Variants in TMEM271 observed in about 807,000 individuals in gnomAD.
TMEM271 encodes transmembrane protein 271.
rs1732424420 is a variant in TMEM271, at chr4:575,808, G to A, written c.255C>T (p.Gly85=). 5.5e-6 allele frequency: 2 copies of A among 364,056 alleles called. No homozygotes were observed. Among genetic ancestry groups the A allele is most frequent in the Non-Finnish European group, 9.8e-6 (2 of 204,164 alleles). The allele number at this position is 364,056 out of a possible 1,614,324, so 22.6% of individuals were successfully genotyped here. A position where few individuals can be genotyped will look rare whatever the true frequency, so the allele number is the denominator to read the frequency against. ...GCGCCGCGGGGACCCCCAAACCCGG[G>A]CCCGGTTCCGACCCCGCGAGGGGCG... ...RDAPLAGSEP[G]PGLGVPAAPA... Residue 85 remains glycine, a synonymous_variant, in exon 1 of 1, where the codon GGC becomes GGT. Coordinates refer to ENST00000610212, the MANE Select transcript of TMEM271 (RefSeq NM_001362796.2).
Position 575,438 on chromosome 4 carries a change from G to T in TMEM271, c.625C>A (p.Arg209Ser). 1 of 275,636 alleles carries T rather than the reference G, an allele frequency of 3.6e-6. No individual in the cohort carries two copies. Among genetic ancestry groups the T allele is most frequent in the Non-Finnish European group, 6.8e-6 (1 of 147,080 alleles). The allele number at this position is 275,636 out of a possible 1,614,324, so 17.1% of individuals were successfully genotyped here. ...TLDSATSAKC[R>S]QLKDYQRGLV... ...CCGCGCTGGTAGTCCTTCAGCTGGC[G>T]GCACTTGGCGGACGTGGCGCTGTCC... The change falls in exon 1 of 1, where the codon CGC becomes AGC. Residue 209 changes from arginine (R) to serine (S), a missense_variant. Arg to Ser is a moderately radical substitution (Grantham distance 110). Coordinates refer to ENST00000610212, the MANE Select transcript of TMEM271 (RefSeq NM_001362796.2).
chr4:574,837 G>T lies in TMEM271; in HGVS notation c.*68C>A. The T allele has an allele frequency of 2.5e-6, 1 of 394,412 alleles. No homozygotes were observed. The highest frequency in any genetic ancestry group is 3.6e-5 in the East Asian group (1 of 27,806). 24.4% of individuals were successfully genotyped at this position (394,412 alleles called of 1,614,324 possible). A position where few individuals can be genotyped will look rare whatever the true frequency, so the allele number is the denominator to read the frequency against. On this transcript the variant is annotated 3_prime_UTR_variant, in exon 1 of 1. Coordinates refer to ENST00000610212, the MANE Select transcript of TMEM271 (RefSeq NM_001362796.2). ...GCTGCCCGTCCTCCCTTGCCGCGGG[G>T]GTCCTGAGCGGGGCGGGGTGGGTGG...
chr4:576,112 G>GCCGCCC lies in TMEM271; in HGVS notation c.-56_-51dup, dbSNP rs1732432272. 7.1e-6 allele frequency: 1 copy of GCCGCCC among 140,520 alleles called. No homozygotes were observed. The highest frequency in any genetic ancestry group is 1.5e-5 in the Non-Finnish European group (1 of 64,952). 8.7% of individuals were successfully genotyped at this position (140,520 alleles called of 1,614,324 possible). A position where few individuals can be genotyped will look rare whatever the true frequency, so the allele number is the denominator to read the frequency against. On this transcript the variant is annotated 5_prime_UTR_variant, in exon 1 of 1. Transcript: ENST00000610212. ...CCCCGCGCGCCCGCCGCCGCCCGCC[G>GCCGCCC]CCGCCCCCGCCGCCTGCGCCTCCTC...
Position 575,170 on chromosome 4 carries a change from G to A in TMEM271, c.893C>T (p.Ala298Val), listed in dbSNP as rs1006585500. 2.6e-6 allele frequency: 1 copy of A among 388,800 alleles called. No individual in the cohort carries two copies. The highest frequency in any genetic ancestry group is 4.5e-6 in the Non-Finnish European group (1 of 220,544). 24.1% of individuals were successfully genotyped at this position (388,800 alleles called of 1,614,324 possible). A position where few individuals can be genotyped will look rare whatever the true frequency, so the allele number is the denominator to read the frequency against. ...CGACTCCTCCGGGGACAGGATGGAG[G>A]CCTCGCTCGGCCGCTGCTGCAGCCG... is the stretch of plus-strand genomic sequence containing the variant. ...GRRLQQRPSEASILSPEESDL... is the reference protein window; with the variant it reads ...GRRLQQRPSEVSILSPEESDL... The change falls in exon 1 of 1, where the codon GCC becomes GTC. Residue 298 changes from alanine (A) to valine (V), a missense_variant. Transcript: ENST00000610212.
In TMEM271 at chr4:574,933, C is replaced by T. The variant is rs1732403528; in HGVS notation, c.1130G>A (p.Arg377Gln). 2.5e-6 allele frequency: 1 copy of T among 396,812 alleles called. No individual in the cohort carries two copies. The highest frequency in any genetic ancestry group is 4.4e-6 in the Non-Finnish European group (1 of 224,850). The allele number at this position is 396,812 out of a possible 1,614,324, so 24.6% of individuals were successfully genotyped here. A position where few individuals can be genotyped will look rare whatever the true frequency, so the allele number is the denominator to read the frequency against. The change falls in exon 1 of 1, where the codon CGG becomes CAG. Residue 377 changes from arginine to glutamine, a missense_variant. Coordinates refer to ENST00000610212, the MANE Select transcript of TMEM271 (RefSeq NM_001362796.2). Reference protein sequence around the residue: ...YCCRPPCETPRPWETHRAC With the variant: ...YCCRPPCETPQPWETHRAC ...GCAGGCCCGATGGGTCTCCCAGGGC[C>T]GCGGCGTCTCGCAGGGCGGCCGGCA...
chr4:576,192 G>T lies in TMEM271; in HGVS notation c.-130C>A. The stretch of plus-strand genomic sequence containing the variant: ...CCTCCTCATCCTCCCGCGTCCTCCC[G>T]GGCCCGCGCCGCCGCCGCCGGAGCC... On this transcript the variant is annotated 5_prime_UTR_variant, in exon 1 of 1. Coordinates refer to ENST00000610212, the MANE Select transcript of TMEM271 (RefSeq NM_001362796.2). 1 of 139,488 alleles carries T rather than the reference G, an allele frequency of 7.2e-6. No homozygotes were observed. Among genetic ancestry groups the T allele is most frequent in the Non-Finnish European group, 1.6e-5 (1 of 64,294 alleles). The allele number at this position is 139,488 out of a possible 1,614,324, so 8.6% of individuals were successfully genotyped here. A position where few individuals can be genotyped will look rare whatever the true frequency, so the allele number is the denominator to read the frequency against.
rs1356277218 is a variant in TMEM271, at chr4:575,199, C to T, written c.864G>A (p.Gly288=). 5.4e-6 allele frequency: 2 copies of T among 367,334 alleles called. No homozygotes were observed. Among genetic ancestry groups the T allele is most frequent in the Non-Finnish European group, 9.7e-6 (2 of 206,972 alleles). 22.8% of individuals were successfully genotyped at this position (367,334 alleles called of 1,614,324 possible). ...CGCTCGGCCGCTGCTGCAGCCGCCG[C>T]CCCCGCCGGCCCCGCCGGCCCCGGC... ...RARRGRRGRR[G]RRLQQRPSEA... is the part of the protein sequence containing the mutation. Residue 288 remains glycine (G), a synonymous_variant, in exon 1 of 1, where the codon GGG becomes GGA. Coordinates refer to ENST00000610212, the MANE Select transcript of TMEM271 (RefSeq NM_001362796.2).
At position 575,983 on chromosome 4, in the gene TMEM271, ACGG is replaced by A; in HGVS notation, c.77_79del (p.Ala26del). 1 of 366,862 alleles carries A rather than the reference ACGG, an allele frequency of 2.7e-6. No individual in the cohort carries two copies. The highest frequency in any genetic ancestry group is 4.9e-6 in the Non-Finnish European group (1 of 205,792). The allele number at this position is 366,862 out of a possible 1,614,324, so 22.7% of individuals were successfully genotyped here. A position where few individuals can be genotyped will look rare whatever the true frequency, so the allele number is the denominator to read the frequency against. On this transcript the variant is annotated inframe_deletion, in exon 1 of 1. Transcript: ENST00000610212. ...GCCCAACGAGAAGCACTTGAGGCCG[ACGG>A]CGGCGGCGCTGAGCGCGCAGGCGAG...
Position 575,040 on chromosome 4 carries a change from C to G in TMEM271, c.1023G>C (p.Val341=), listed in dbSNP as rs1732405776. ...CCACCGACGGGTGCCCCCCGCAGCGCACCTCCGCGCCCGCCTCGTCCAGCG... is the reference window on the plus strand; with the variant it reads ...CCACCGACGGGTGCCCCCCGCAGCGGACCTCCGCGCCCGCCTCGTCCAGCG... ...LHALDEAGAE[V]RCGGHPSVEL... Residue 341 remains valine, a synonymous_variant, in exon 1 of 1, where the codon GTG becomes GTC. Transcript: ENST00000610212. 1 of 397,050 alleles carries G rather than the reference C, an allele frequency of 2.5e-6. No homozygotes were observed. Among genetic ancestry groups the G allele is most frequent in the South Asian group, 1.3e-4 (1 of 7,860 alleles). The allele number at this position is 397,050 out of a possible 1,614,324, so 24.6% of individuals were successfully genotyped here. A position where few individuals can be genotyped will look rare whatever the true frequency, so the allele number is the denominator to read the frequency against.
In TMEM271 at chr4:575,996, T is replaced by C. The variant is rs1732428888; in HGVS notation, c.67A>G (p.Ser23Gly). The change falls in exon 1 of 1, where the codon AGC becomes GGC. Residue 23 changes from serine to glycine, a missense_variant. Coordinates refer to ENST00000610212, the MANE Select transcript of TMEM271 (RefSeq NM_001362796.2). ...CACTTGAGGCCGACGGCGGCGGCGC[T>C]GAGCGCGCAGGCGAGCAGGAGGCAG... Reference protein sequence around the residue: ...SSCLLLACALSAAAVGLKCFS... With the variant: ...SSCLLLACALGAAAVGLKCFS... 5.5e-6 allele frequency: 2 copies of C among 363,038 alleles called. No homozygotes were observed. Among genetic ancestry groups the C allele is most frequent in the Non-Finnish European group, 9.8e-6 (2 of 203,586 alleles). The allele number at this position is 363,038 out of a possible 1,614,324, so 22.5% of individuals were successfully genotyped here.
chr4:575,109 C>T lies in TMEM271; in HGVS notation c.954G>A (p.Ala318=). 2.5e-6 allele frequency: 1 copy of T among 395,818 alleles called. No homozygotes were observed. The highest frequency in any genetic ancestry group is 4.5e-6 in the Non-Finnish European group (1 of 224,424). The allele number at this position is 395,818 out of a possible 1,614,324, so 24.5% of individuals were successfully genotyped here. A position where few individuals can be genotyped will look rare whatever the true frequency, so the allele number is the denominator to read the frequency against. Residue 318 remains alanine, a synonymous_variant, in exon 1 of 1, where the codon GCG becomes GCA. Transcript: ENST00000610212. ...LAAPGDCAGF[A]AHHAVSYINV... ...TGATGTAGGAGACCGCGTGGTGCGC[C>T]GCGAAGCCCGCGCAGTCCCCGGGGG...
rs1474978370 is a variant in TMEM271 at position 574,752 on chromosome 4, A to G, written c.*153T>C. ...GAGCCCGCAGAGGGGGCCAGGCCGGAGGCTGCAAAGCCACGTGGAAGAGGC... is the reference window on the plus strand; with the variant it reads ...GAGCCCGCAGAGGGGGCCAGGCCGGGGGCTGCAAAGCCACGTGGAAGAGGC... On this transcript the variant is annotated 3_prime_UTR_variant, in exon 1 of 1. Coordinates refer to ENST00000610212, the MANE Select transcript of TMEM271 (RefSeq NM_001362796.2). The G allele has an allele frequency of 2.6e-6, 1 of 391,904 alleles. No individual in the cohort carries two copies. The highest frequency in any genetic ancestry group is 4.5e-6 in the Non-Finnish European group (1 of 222,116). 24.3% of individuals were successfully genotyped at this position (391,904 alleles called of 1,614,324 possible). A position where few individuals can be genotyped will look rare whatever the true frequency, so the allele number is the denominator to read the frequency against.
chr4:575,897 G>A lies in TMEM271; in HGVS notation c.166C>T (p.Leu56=), dbSNP rs1160669593. 1 of 372,832 alleles carries A rather than the reference G, an allele frequency of 2.7e-6. No homozygotes were observed. The highest frequency in any genetic ancestry group is 4.8e-6 in the Non-Finnish European group (1 of 209,630). 23.1% of individuals were successfully genotyped at this position (372,832 alleles called of 1,614,324 possible). A position where few individuals can be genotyped will look rare whatever the true frequency, so the allele number is the denominator to read the frequency against. The change falls in exon 1 of 1, where the codon CTG becomes TTG. Residue 56 remains leucine (L), a synonymous_variant. Transcript: ENST00000610212. ...GAAAGAFYSG[L]LLAAGLSLLG... ...AGTGAGAGGCCGGCGGCCAGCAGCA[G>A]CCCGGAGTAGAAGGCGCCGGCGGCG... is the stretch of plus-strand genomic sequence containing the variant.
rs1197403803 is a variant in TMEM271, at chr4:576,176, C to T, written c.-114G>A. ...GCCGGACCGCCGGCCTCCTCCTCATCCTCCCGCGTCCTCCCGGGCCCGCGC... is the reference window on the plus strand; with the variant it reads ...GCCGGACCGCCGGCCTCCTCCTCATTCTCCCGCGTCCTCCCGGGCCCGCGC... On this transcript the variant is annotated 5_prime_UTR_variant, in exon 1 of 1. Transcript: ENST00000610212. 4.1e-5 allele frequency: 6 copies of T among 145,534 alleles called. No homozygotes were observed. The highest frequency in any genetic ancestry group is 4.1e-4 in the Admixed American group (6 of 14,646). The allele number at this position is 145,534 out of a possible 1,614,324, so 9.0% of individuals were successfully genotyped here.
rs1732407074 is a variant in TMEM271, at chr4:575,102, G to A, written c.961C>T (p.His321Tyr). The change falls in exon 1 of 1, where the codon CAC becomes TAC. Residue 321 changes from histidine (H) to tyrosine (Y), a missense_variant. His to Tyr is a moderately conservative substitution (Grantham distance 83, BLOSUM62 2). Transcript: ENST00000610212. ...PGDCAGFAAH[H>Y]AVSYINVGVL... Reference sequence around the variant, plus strand: ...CCTACGTTGATGTAGGAGACCGCGTGGTGCGCCGCGAAGCCCGCGCAGTCC... The same window carrying A: ...CCTACGTTGATGTAGGAGACCGCGTAGTGCGCCGCGAAGCCCGCGCAGTCC... 1 of 396,216 alleles carries A rather than the reference G, an allele frequency of 2.5e-6. No homozygotes were observed. The highest frequency in any genetic ancestry group is 4.5e-6 in the Non-Finnish European group (1 of 224,604). 24.5% of individuals were successfully genotyped at this position (396,216 alleles called of 1,614,324 possible). A position where few individuals can be genotyped will look rare whatever the true frequency, so the allele number is the denominator to read the frequency against.
Position 574,732 on chromosome 4 carries a change from C to G in TMEM271, c.*173G>C. 1 of 391,528 alleles carries G rather than the reference C, an allele frequency of 2.6e-6. No individual in the cohort carries two copies. The highest frequency in any genetic ancestry group is 4.5e-6 in the Non-Finnish European group (1 of 221,910). The allele number at this position is 391,528 out of a possible 1,614,324, so 24.3% of individuals were successfully genotyped here. ...GGCCCCCTCCTGTGGTCACGGAGCC[C>G]GCAGAGGGGGCCAGGCCGGAGGCTG... is the stretch of plus-strand genomic sequence containing the variant. On this transcript the variant is annotated 3_prime_UTR_variant, in exon 1 of 1. Transcript: ENST00000610212.
Position 575,672 on chromosome 4 carries a change from C to A in TMEM271, c.391G>T (p.Gly131Trp). The A allele has an allele frequency of 2.8e-6, 1 of 360,284 alleles. No homozygotes were observed. Among genetic ancestry groups the A allele is most frequent in the Non-Finnish European group, 5.0e-6 (1 of 201,090 alleles). The allele number at this position is 360,284 out of a possible 1,614,324, so 22.3% of individuals were successfully genotyped here. ...GCGCCCGCGAATGCGCTGAGGACCCCGAGCATGAAGACCAGGACGCCGAGC... is the reference window on the plus strand; with the variant it reads ...GCGCCCGCGAATGCGCTGAGGACCCAGAGCATGAAGACCAGGACGCCGAGC... The part of the protein sequence containing the change: ...LLLGVLVFML[G>W]VLSAFAGAVI... The change falls in exon 1 of 1, where the codon GGG becomes TGG. Residue 131 changes from glycine (G) to tryptophan (W), a missense_variant. By Grantham distance (184) the Gly-to-Trp change is radical. Coordinates refer to ENST00000610212, the MANE Select transcript of TMEM271 (RefSeq NM_001362796.2).
chr4:575,367 G>A lies in TMEM271; in HGVS notation c.696C>T (p.Gly232=), dbSNP rs942393930. The change falls in exon 1 of 1, where the codon GGC becomes GGT. Residue 232 remains glycine (G), a synonymous_variant. Transcript: ENST00000610212. ...TCTTGACGAGCAGGAGGCTGAGCAGGCCCAGCAGGCACTCAAGCGAGTTGA... is the reference window on the plus strand; with the variant it reads ...TCTTGACGAGCAGGAGGCTGAGCAGACCCAGCAGGCACTCAAGCGAGTTGA... ...TVFNSLECLL[G]LLSLLLVKNY... 6.2e-4 allele frequency: 167 copies of A among 267,728 alleles called. 2 individuals are homozygous for A. Among genetic ancestry groups the A allele is most frequent in the Non-Finnish European group, 4.2e-4 (59 of 141,834 alleles). 16.6% of individuals were successfully genotyped at this position (267,728 alleles called of 1,614,324 possible). A position where few individuals can be genotyped will look rare whatever the true frequency, so the allele number is the denominator to read the frequency against.
rs1732410638 is a variant in TMEM271, at chr4:575,265, G to A, written c.798C>T (p.Gly266=). 1 of 165,996 alleles carries A rather than the reference G, an allele frequency of 6.0e-6. No individual in the cohort carries two copies. The highest frequency in any genetic ancestry group is 1.3e-5 in the Non-Finnish European group (1 of 78,708). The allele number at this position is 165,996 out of a possible 1,614,324, so 10.3% of individuals were successfully genotyped here. The change falls in exon 1 of 1, where the codon GGC becomes GGT. Residue 266 remains glycine (G), a synonymous_variant. Transcript: ENST00000610212. Reference sequence around the variant, plus strand: ...GCGGCTGCGCGCGGAGCCCGGAGCCGCCGCGGGGCCGCGCCAGGGCCCGGC... The same window carrying A: ...GCGGCTGCGCGCGGAGCCCGGAGCCACCGCGGGGCCGCGCCAGGGCCCGGC... ...RGGRALARPR[G]GSGLRAQPPA... is the part of the protein sequence containing the mutation.
Sources: allele counts gnomAD v4.1 joint callset, GRCh38; gene constraint gnomAD v4.1.1; transcripts MANE v1.5; gene names NCBI Gene and HGNC (gene_info 2026-07-23, HGNC 2026-07-21).